Variants in ATP1B2 observed in about 807,000 individuals in gnomAD.
The protein encoded by ATP1B2 is sodium/potassium-transporting ATPase subunit beta-2.
Under a neutral mutation model 37.3 loss-of-function variants are expected in ATP1B2, and 12 were observed. The observed-to-expected ratio is 0.32, with a 90% CI of 0.21 to 0.52. The LOEUF is 0.52. ATP1B2 is among the 20% of genes least tolerant of loss of function. ATP1B2 has a pLI of 0.96. For synonymous variants in ATP1B2, 139 were observed against 140.5 expected (o/e 0.99, Z 0.07); for missense variants, 324 against 391.6 (o/e 0.83, Z 1.46).
rs116069853 is a variant in ATP1B2 at position 7,655,135 on chromosome 17, G to C, written c.610-392G>C. ...GGACCCTGTTCCCCGCTTCCCCCCC[G>C]GTCTGTCCTTTCTAGAAACTGGCTG... On this transcript the variant is annotated intron_variant, in intron 5 of 6. Coordinates refer to ENST00000250111, the MANE Select transcript of ATP1B2 (RefSeq NM_001678.5). This position sits in a 1 kb window ranked among gnomAD's most constrained non-coding sequence, Gnocchi z 4.4. 2 of 299,518 alleles carry C rather than the reference G, an allele frequency of 6.7e-6. No homozygotes were observed. Among genetic ancestry groups the C allele is most frequent in the South Asian group, 4.9e-5 (1 of 20,426 alleles). 18.6% of individuals were successfully genotyped at this position (299,518 alleles called of 1,614,324 possible).
In ATP1B2 at chr17:7,655,485, A is replaced by T; in HGVS notation, c.610-42A>T. ...TCTGGTGAGCTCCTGGGTGCCTGCC[A>T]TCCCTAACTGGCTCACCCCCTATCT... On this transcript the variant is annotated intron_variant, in intron 5 of 6. Transcript: ENST00000250111. The surrounding 1 kb of genome is among the most constrained non-coding windows in gnomAD (Gnocchi z 4.4). 6.3e-7 allele frequency: 1 copy of T among 1,596,144 alleles called. No individual in the cohort carries two copies. Among genetic ancestry groups the T allele is most frequent in the Non-Finnish European group, 8.6e-7 (1 of 1,164,198 alleles).
chr17:7,648,567 C>CA (rs58333874), upstream of ATP1B2, among the ~76,000 whole-genome samples: 1,317 of 69,634 alleles, frequency 0.019, 51 homozygotes, highest in East Asian at 0.039. Flanking sequence ...ACTCTGTCTC[C>CA]AAAAAAAAAA....
chr17:7,655,830 A>G lies in ATP1B2; in HGVS notation c.808A>G (p.Thr270Ala), dbSNP rs575661803. 1.9e-5 allele frequency: 31 copies of G among 1,614,124 alleles called. No homozygotes were observed. In the East Asian group the frequency reaches 6.7e-4, roughly 35 times the overall value. Residue 270 changes from threonine (T) to alanine (A), a missense_variant, in exon 7 of 7, where the codon ACA becomes GCA. By Grantham distance (58) the Thr-to-Ala change is moderately conservative. Coordinates refer to ENST00000250111, the MANE Select transcript of ATP1B2 (RefSeq NM_001678.5). This position sits in a 1 kb window ranked among gnomAD's most constrained non-coding sequence, Gnocchi z 4.4. ...TCGCATCAACGCCGCCAACATCGCC[A>G]CAGACGATGAGCGAGACAAGTTCGC... ...ECRINAANIA[T>A]DDERDKFAGR...
chr17:7,648,475 A>C (rs890126060), upstream of ATP1B2, among the ~76,000 whole-genome samples: 22 of 145,908 alleles, frequency 1.5e-4, no homozygotes, highest in Admixed American at 1.3e-3. Context: ...AGACTGAGGG[A>C]GGAACCGCTT....
Position 7,651,351 on chromosome 17 carries a change from G to C in ATP1B2, c.-168G>C. 1.6e-6 allele frequency: 1 copy of C among 620,850 alleles called. No homozygotes were observed. The highest frequency in any genetic ancestry group is 2.8e-6 in the Non-Finnish European group (1 of 353,250). 38.5% of individuals were successfully genotyped at this position (620,850 alleles called of 1,614,324 possible). On this transcript the variant is annotated 5_prime_UTR_variant, in exon 1 of 7. Transcript: ENST00000250111. Reference sequence around the variant, plus strand: ...GCGCTGCCAGCACCCCGCAGCGCGTGGTCGTGCACCCCGGAATCTGCAGCA... The same window carrying C: ...GCGCTGCCAGCACCCCGCAGCGCGTCGTCGTGCACCCCGGAATCTGCAGCA...
At position 7,656,260 on chromosome 17, in the gene ATP1B2, C is replaced by T. The variant is rs2072651552; in HGVS notation, c.*365C>T. 3.8e-6 allele frequency: 1 copy of T among 261,638 alleles called. No individual in the cohort carries two copies. 16.2% of individuals were successfully genotyped at this position (261,638 alleles called of 1,614,324 possible). ...CACTGACCCACCCACCCACCTACACCCCCCGCCACACACACACACAAACGT... is the reference window on the plus strand; with the variant it reads ...CACTGACCCACCCACCCACCTACACTCCCCGCCACACACACACACAAACGT... On this transcript the variant is annotated 3_prime_UTR_variant, in exon 7 of 7. Transcript: ENST00000250111.
Position 7,655,677 on chromosome 17 carries a change from G to T in ATP1B2, c.708+52G>T. ...ATGGCGGGTGCGGGTGGTGAGCTAG[G>T]GAAGGAGGCCGCGTTGCCCCAGGCC... On this transcript the variant is annotated intron_variant, in intron 6 of 6. Coordinates refer to ENST00000250111, the MANE Select transcript of ATP1B2 (RefSeq NM_001678.5). The surrounding 1 kb of genome is among the most constrained non-coding windows in gnomAD (Gnocchi z 4.4). 4 of 1,613,990 alleles carry T rather than the reference G, an allele frequency of 2.5e-6. No individual in the cohort carries two copies. The East Asian group carries it at 8.9e-5, about 36-fold the overall frequency.
In ATP1B2 at chr17:7,657,635, C is replaced by T; in HGVS notation, c.*1740C>T. On this transcript the variant is annotated 3_prime_UTR_variant, in exon 7 of 7. Transcript: ENST00000250111. The stretch of plus-strand genomic sequence containing the variant: ...ATCTGTGTTTCTTCCCTTCGGGCCC[C>T]CATGTTTTCCTGCACCCGCCCTACC... 6.6e-6 allele frequency: 1 copy of T among 152,664 alleles called. No individual in the cohort carries two copies. The allele number at this position is 152,664 out of a possible 1,614,324, so 9.5% of individuals were successfully genotyped here.
Position 7,656,018 on chromosome 17 carries a change from C to T in ATP1B2, c.*123C>T. 7.6e-7 allele frequency: 1 copy of T among 1,310,656 alleles called. No individual in the cohort carries two copies. The highest frequency in any genetic ancestry group is 1.0e-6 in the Non-Finnish European group (1 of 961,120). 81.2% of individuals were successfully genotyped at this position (1,310,656 alleles called of 1,614,324 possible). ...ATAACAGAGCTATGACTTGTCTGAG[C>T]CTCACATCCTTTTCCTTGACTTCTC... On this transcript the variant is annotated 3_prime_UTR_variant, in exon 7 of 7. Transcript: ENST00000250111.
Position 7,655,665 on chromosome 17 carries a change from G to A in ATP1B2, c.708+40G>A. ...AGGCCCAGGCTGATGGCGGGTGCGGGTGGTGAGCTAGGGAAGGAGGCCGCG... is the reference window on the plus strand; with the variant it reads ...AGGCCCAGGCTGATGGCGGGTGCGGATGGTGAGCTAGGGAAGGAGGCCGCG... On this transcript the variant is annotated intron_variant, in intron 6 of 6. Transcript: ENST00000250111. This position sits in a 1 kb window ranked among gnomAD's most constrained non-coding sequence, Gnocchi z 4.4. 6.2e-7 allele frequency: 1 copy of A among 1,614,012 alleles called. No individual in the cohort carries two copies.
At chr17:7,651,713 A>C in intron 1 of ATP1B2, 83 bp downstream of exon 1, 1 of 1,251,652 alleles carries the variant, frequency 8.0e-7, no homozygotes. Context: ...ACGCGGCCCC[A>C]GCTCCCCTCC....
Position 7,655,767 on chromosome 17 carries a change from C to T in ATP1B2, c.745C>T (p.Leu249=). The change falls in exon 7 of 7, where the codon CTG becomes TTG. Residue 249 remains leucine (L), a synonymous_variant. Transcript: ENST00000250111. This position sits in a 1 kb window ranked among gnomAD's most constrained non-coding sequence, Gnocchi z 4.4. ...YTQPLVAVKF[L]NVTPNVEVNV... ...ACAGCCCCTGGTGGCTGTGAAGTTC[C>T]TGAATGTGACCCCCAACGTGGAGGT... 6.2e-6 allele frequency: 10 copies of T among 1,614,124 alleles called. No individual in the cohort carries two copies. Among genetic ancestry groups the T allele is most frequent in the Non-Finnish European group, 8.5e-6 (10 of 1,180,032 alleles).
upstream of ATP1B2, among the ~76,000 whole-genome samples, chr17:7,646,898 C>T (rs541116310): frequency 2.0e-5 from 3 of 152,044 alleles, no homozygotes; most frequent in South Asian, 2.1e-4. Flanking sequence ...GGCAATATGG[C>T]GAGACCCCAT....
At chr17:7,647,826 G>GAAA (rs34594515), upstream of ATP1B2, among the ~76,000 whole-genome samples, 10 of 145,908 alleles carry the variant, frequency 6.9e-5, no homozygotes, top group African/African-American at 2.0e-4. Context: ...CTCAAAAAAA[G>GAAA]AAAAAAAAAA....
Position 7,655,757 on chromosome 17 carries a change from TGTG to T in ATP1B2, c.736_738del (p.Val246del). The T allele has an allele frequency of 1.9e-6, 3 of 1,614,132 alleles. No individual in the cohort carries two copies. The highest frequency in any genetic ancestry group is 2.5e-6 in the Non-Finnish European group (3 of 1,180,022). On this transcript the variant is annotated inframe_deletion, in exon 7 of 7. Transcript: ENST00000250111. This position sits in a 1 kb window ranked among gnomAD's most constrained non-coding sequence, Gnocchi z 4.4. ...TGAACTACACACAGCCCCTGGTGGC[TGTG>T]AAGTTCCTGAATGTGACCCCCAACG... is the stretch of plus-strand genomic sequence containing the variant.
At chr17:7,653,251 C>T in intron 1 of ATP1B2, 123 bp from the exon 2 acceptor site, 11 of 1,429,970 alleles carry the variant, frequency 7.7e-6, no homozygotes, top group South Asian at 2.6e-5. Flanking sequence ...GGCTCTAAGA[C>T]ATCCCTGTGG....
Position 7,654,363 on chromosome 17 carries a change from G to A in ATP1B2, c.552+106G>A. The A allele has an allele frequency of 7.5e-7, 1 of 1,332,834 alleles. No homozygotes were observed. The allele number at this position is 1,332,834 out of a possible 1,614,324, so 82.6% of individuals were successfully genotyped here. ...GGGCTAATGGGCATGAGAAAGACTT[G>A]GATGTTTGTGTAGCTGAGAGAAAAA... On this transcript the variant is annotated intron_variant, in intron 4 of 6. Transcript: ENST00000250111. This position sits in a 1 kb window ranked among gnomAD's most constrained non-coding sequence, Gnocchi z 4.9.
upstream of ATP1B2, among the ~76,000 whole-genome samples, chr17:7,647,139 A>G (rs1367311176): frequency 6.6e-6 from 1 of 150,576 alleles, no homozygotes; most frequent in East Asian, 1.9e-4. Context: ...GGGAGTGCTG[A>G]CAGCTGAGAG....
chr17:7,651,690 C>A (rs1256544505), intron 1 of ATP1B2, 60 bp downstream of exon 1: 2 of 1,446,180 alleles, frequency 1.4e-6, no homozygotes, highest in East Asian at 2.7e-5. Context: ...CTCGGGGGCG[C>A]AGGGTCCCGC....
Sources: allele counts gnomAD v4.1 joint callset (sites outside exome capture counted in the v4.1 genomes callset), GRCh38; gene constraint gnomAD v4.1.1; non-coding constraint Gnocchi (gnomAD v3.1); transcripts MANE v1.5; gene names NCBI Gene and HGNC (gene_info 2026-07-23, HGNC 2026-07-21).